The following FREM1 variants were observed in gnomAD, a reference collection of about 807,000 sequenced individuals.
FREM1 encodes FRAS1 related extracellular matrix 1.
In FREM1, 220 loss-of-function variants were observed where a neutral mutation model predicts 210.1. The observed-to-expected ratio is 1.05, with a 90% CI of 0.94 to 1.17. FREM1 has a LOEUF of 1.17. Ranked by LOEUF, FREM1 falls within the 50% of genes most tolerant of loss-of-function variation. FREM1 has a pLI of 0.00. For missense variants in FREM1, 3,454 were observed against 2,675.5 expected (o/e 1.29, Z -6.42); for synonymous variants, 1,189 against 980.2 (o/e 1.21, Z -3.98).
Position 14,738,934 on chromosome 9 carries a change from C to T in FREM1, c.6340+1215G>A, listed in dbSNP as rs1587603395. Among the ~76,000 whole-genome samples, 3 of 138,982 alleles carry T rather than the reference C, an allele frequency of 2.2e-5. No individual in the cohort carries two copies. In the South Asian group the frequency reaches 6.7e-4, roughly 31 times the overall value. The allele number at this position is 138,982 out of a possible 152,430, so 91.2% of individuals were successfully genotyped here. On this transcript the variant is annotated intron_variant, in intron 36 of 36. Coordinates refer to ENST00000380880, the MANE Select transcript of FREM1 (RefSeq NM_001379081.2). ...CTGAGGGAGGAGAATTGCTTGAACCCAGGGGGCGGAAGTTGCAGTGAGCCA... is the reference window on the plus strand; with the variant it reads ...CTGAGGGAGGAGAATTGCTTGAACCTAGGGGGCGGAAGTTGCAGTGAGCCA...
At chr9:14,796,231 G>T (rs1588035701) in intron 21 of FREM1, among the ~76,000 whole-genome samples, 3 of 152,194 alleles carry the variant, frequency 2.0e-5, no homozygotes, top group African/African-American at 4.8e-5. Context: ...GGGGGTTTGG[G>T]TGCTTTCAGT....
At chr9:14,880,337 C>G (rs1834560098) in intron 1 of FREM1, among the ~76,000 whole-genome samples, 1 of 152,172 alleles carries the variant, frequency 6.6e-6, no homozygotes, top group Admixed American at 6.5e-5. Context: ...GGTGCAGTGG[C>G]TCATGCCTGT....
chr9:14,784,287 C>G, intron 24 of FREM1, 83 bp downstream of exon 24: 1 of 1,272,360 alleles, frequency 7.9e-7, no homozygotes, highest in Non-Finnish European at 1.1e-6. Context: ...GAAATGGTTA[C>G]TATAGTGAAG....
chr9:14,784,754 GT>G, intron 23 of FREM1, 120 bp from the exon 24 acceptor site: 1 of 600,886 alleles, frequency 1.7e-6, no homozygotes, highest in Non-Finnish European at 2.6e-6. Flanking sequence ...ACATAGAAAG[GT>G]TTATATAACT....
chr9:14,868,452 C>A (rs943841908), intron 2 of FREM1, among the ~76,000 whole-genome samples: 1 of 152,172 alleles, frequency 6.6e-6, no homozygotes, highest in Non-Finnish European at 1.5e-5. Context: ...TAGTTTGAAC[C>A]TGATTTCCTC....
At chr9:14,813,700 G>A (rs529517945) in intron 15 of FREM1, among the ~76,000 whole-genome samples, 34 of 152,238 alleles carry the variant, frequency 2.2e-4, no homozygotes, top group African/African-American at 8.2e-4. Flanking sequence ...AAGCGACATG[G>A]GATCACGCTG....
intron 31 of FREM1, 54 bp from the exon 32 acceptor site, chr9:14,747,782 C>A: frequency 9.4e-7 from 1 of 1,062,554 alleles, no homozygotes. Context: ...TAATAACTAG[C>A]AATAGGGTAA....
intron 16 of FREM1, among the ~76,000 whole-genome samples, chr9:14,809,570 T>A (rs1418658763): frequency 6.6e-6 from 1 of 152,036 alleles, no homozygotes; most frequent in Non-Finnish European, 1.5e-5. Context: ...TTGAGAGAAT[T>A]AGAAAGAAAC....
chr9:14,901,036 T>C (rs1838696525), intron 1 of FREM1, among the ~76,000 whole-genome samples: 1 of 152,218 alleles, frequency 6.6e-6, no homozygotes, highest in African/African-American at 2.4e-5. Flanking sequence ...TCTGTTGCAT[T>C]TTAACTTTGT....
At chr9:14,887,006 T>C (rs1168246480) in intron 1 of FREM1, among the ~76,000 whole-genome samples, 1 of 151,318 alleles carries the variant, frequency 6.6e-6, no homozygotes, top group East Asian at 1.9e-4. Flanking sequence ...TTAATATAAA[T>C]CAAATTTAAA....
intron 20 of FREM1, 53 bp downstream of exon 20, chr9:14,801,599 G>C: frequency 1.6e-6 from 2 of 1,257,784 alleles, no homozygotes; most frequent in South Asian, 2.6e-5. Context: ...ATAAGTATGG[G>C]TTAAATTATT....
intron 10 of FREM1, among the ~76,000 whole-genome samples, chr9:14,830,987 G>A (rs1014312306): frequency 6.6e-6 from 1 of 152,172 alleles, no homozygotes; most frequent in African/African-American, 2.4e-5. Flanking sequence ...GCTTATTGTT[G>A]GCTACCGTAC....
In FREM1 at chr9:14,877,161, T is replaced by G. The variant is rs77841322; in HGVS notation, c.-267-7917A>C. 5.5e-3 allele frequency among the ~76,000 whole-genome samples: 842 copies of G among 152,256 alleles called. 7 individuals are homozygous for G. The highest frequency in any genetic ancestry group is 0.019 in the African/African-American group (792 of 41,534). ...TTTTGTATCTACACTCATTCCTTAG[T>G]GATCTCATTCCTTGGCCTTAAATAC... On this transcript the variant is annotated intron_variant, in intron 1 of 36. Transcript: ENST00000380880.
At chr9:14,890,025 C>G (rs947628441) in intron 1 of FREM1, among the ~76,000 whole-genome samples, 2 of 152,204 alleles carry the variant, frequency 1.3e-5, no homozygotes, top group African/African-American at 4.8e-5. Context: ...TTGTGTCCCT[C>G]CATTCTTGGA....
intron 1 of FREM1, among the ~76,000 whole-genome samples, chr9:14,874,319 A>T (rs1176298692): frequency 3.2e-4 from 48 of 150,924 alleles, no homozygotes; most frequent in African/African-American, 1.0e-3. Flanking sequence ...TTTGTAGGTC[A>T]CTCAGGACTT....
chr9:14,738,609 G>A (rs935443383), intron 36 of FREM1, among the ~76,000 whole-genome samples: 5 of 151,974 alleles, frequency 3.3e-5, no homozygotes, highest in Non-Finnish European at 5.9e-5. Flanking sequence ...TGAAAGCCAA[G>A]AGAGGGAACT....
At chr9:14,908,493 T>C (rs1818176831) in intron 1 of FREM1, among the ~76,000 whole-genome samples, 1 of 152,084 alleles carries the variant, frequency 6.6e-6, no homozygotes, top group Non-Finnish European at 1.5e-5. Context: ...TCAGGTCCCT[T>C]TGCCCAACTC....
chr9:14,877,512 C>T (rs902081287), intron 1 of FREM1, among the ~76,000 whole-genome samples: 3 of 151,796 alleles, frequency 2.0e-5, no homozygotes, highest in African/African-American at 7.3e-5. Flanking sequence ...AAAGTTCCTT[C>T]CCCTTGAGTG....
chr9:14,894,257 C>T (rs1837327144), intron 1 of FREM1, among the ~76,000 whole-genome samples: 1 of 152,168 alleles, frequency 6.6e-6, no homozygotes. Flanking sequence ...TCTAATATGA[C>T]TCAGCATATG....
Sources: gnomAD v4.1 joint callset for allele counts (sites outside exome capture counted in the v4.1 genomes callset) on GRCh38, gnomAD v4.1.1 for gene constraint, MANE v1.5 for transcripts, NCBI Gene and HGNC (gene_info 2026-07-23, HGNC 2026-07-21) for gene names.